TMTC2: variants seen among roughly 807,000 people sequenced by gnomAD.
The protein encoded by TMTC2 is transmembrane O-mannosyltransferase targeting cadherins 2.
TMTC2 carries 43 observed loss-of-function variants against 82.4 expected under a neutral mutation model. The ratio of observed to expected loss-of-function variants is 0.52; its 90% CI spans 0.41 to 0.67. The LOEUF (loss-of-function observed/expected upper bound fraction) is 0.67. Among genes scored for constraint, TMTC2 ranks in the 30% least tolerant of loss-of-function variants. The probability of loss-of-function intolerance (pLI) is 0.00; values close to 1 mark genes in which losing one functional copy is unlikely to be tolerated. For missense variants in TMTC2, 919 were observed against 1,012.4 expected (o/e 0.91, Z 1.25); for synonymous variants, 408 against 381.9 (o/e 1.07, Z -0.80).
chr12:82,700,341 TG>T (rs1873017456), intron 1 of TMTC2, among the ~76,000 whole-genome samples: 1 of 152,218 alleles, frequency 6.6e-6, no homozygotes, highest in Admixed American at 6.5e-5. Context: ...TATTCATTAA[TG>T]GTATTGTTGA....
intron 4 of TMTC2, among the ~76,000 whole-genome samples, chr12:82,931,926 C>G (rs986838761): frequency 1.4e-4 from 22 of 152,124 alleles, no homozygotes; most frequent in African/African-American, 5.3e-4. Context: ...CGAGTCACTT[C>G]CATTGACAGC....
intron 8 of TMTC2, among the ~76,000 whole-genome samples, chr12:82,988,516 A>C (rs1879266673): frequency 6.6e-6 from 1 of 152,094 alleles, no homozygotes; most frequent in African/African-American, 2.4e-5. Flanking sequence ...CTTAAGAGGT[A>C]GAACAAGTAA....
chr12:82,823,269 C>T (rs995488253), intron 1 of TMTC2, among the ~76,000 whole-genome samples: 79 of 152,110 alleles, frequency 5.2e-4, no homozygotes, highest in African/African-American at 1.8e-3. Flanking sequence ...TCACAGAACT[C>T]GGGACCACCA....
chr12:83,051,567 A>G (rs772131350), intron 10 of TMTC2, among the ~76,000 whole-genome samples: 47 of 152,166 alleles, frequency 3.1e-4, no homozygotes, highest in Non-Finnish European at 5.4e-4. Flanking sequence ...AATGTCTCCA[A>G]AGCAAAACAT....
Position 82,958,354 on chromosome 12 carries a change from C to CAAA in TMTC2, c.1599-6656_1599-6654dup, listed in dbSNP as rs750819932. Reference sequence around the variant, plus strand: ...TAGGTGACAGAGCAAGAGTCTGTCTCAAAAAAAAAAAAAAAACAAAAAAAA... The same window carrying CAAA: ...TAGGTGACAGAGCAAGAGTCTGTCTCAAAAAAAAAAAAAAAAAAACAAAAAAAA... On this transcript the variant is annotated intron_variant, in intron 4 of 11. Transcript: ENST00000321196. Among the ~76,000 whole-genome samples, 21 of 19,868 alleles carry CAAA rather than the reference C, an allele frequency of 1.1e-3. 1 individual carries two copies. The highest frequency in any genetic ancestry group is 6.4e-3 in the East Asian group (5 of 782). The allele number at this position is 19,868 out of a possible 152,430, so 13.0% of individuals were successfully genotyped here.
At chr12:82,922,639 G>C (rs1032115825) in intron 3 of TMTC2, among the ~76,000 whole-genome samples, 1 of 151,876 alleles carries the variant, frequency 6.6e-6, no homozygotes, top group Non-Finnish European at 1.5e-5. Context: ...ATAGACAGCT[G>C]ATCTAACATA....
Position 83,051,021 on chromosome 12 carries a change from T to A in TMTC2, c.2267+3T>A. On this transcript the variant is annotated splice_donor_region_variant and intron_variant, in intron 10 of 11. Transcript: ENST00000321196. ...TTCAATGCTGCCCACATGCTCAGGT[T>A]AGTTTTTTTGCTGCTGTGCCTCAAA... 6.2e-7 allele frequency: 1 copy of A among 1,601,774 alleles called. No individual in the cohort carries two copies. The highest frequency in any genetic ancestry group is 8.5e-7 in the Non-Finnish European group (1 of 1,174,382).
chr12:82,764,756 G>A (rs540202264), intron 1 of TMTC2, among the ~76,000 whole-genome samples: 3 of 143,018 alleles, frequency 2.1e-5, no homozygotes, highest in Non-Finnish European at 3.0e-5. Flanking sequence ...GAAAGGGTGA[G>A]ATATTTAAAA....
chr12:83,061,298 AG>A (rs1882730999), intron 10 of TMTC2, among the ~76,000 whole-genome samples: 1 of 151,830 alleles, frequency 6.6e-6, no homozygotes, highest in South Asian at 2.1e-4. Context: ...AAACATGGAA[AG>A]TTCCCTCCAT....
At position 82,810,230 on chromosome 12, in the gene TMTC2, G is replaced by A. The variant is rs556013322; in HGVS notation, c.84-46780G>A. On this transcript the variant is annotated intron_variant, in intron 1 of 11. Transcript: ENST00000321196. ...GGACTTTTTTTTTTTCTTTGCTGTG[G>A]TCAAAGGAAGCTTATACTGATTACT... Among the ~76,000 whole-genome samples, 42 of 151,272 alleles carry A rather than the reference G, an allele frequency of 2.8e-4. No individual in the cohort carries two copies. In the East Asian group the frequency reaches 7.6e-3, roughly 27 times the overall value.
In TMTC2 at chr12:82,796,570, C is replaced by T. The variant is rs557452584; in HGVS notation, c.84-60440C>T. ...CAGCAGTTTAATGTAAGTAGTTGGTCTAAGAATAACTTTGTTATGGTGGTA... is the reference window on the plus strand; with the variant it reads ...CAGCAGTTTAATGTAAGTAGTTGGTTTAAGAATAACTTTGTTATGGTGGTA... On this transcript the variant is annotated intron_variant, in intron 1 of 11. Coordinates refer to ENST00000321196, the MANE Select transcript of TMTC2 (RefSeq NM_152588.3). Among the ~76,000 whole-genome samples the T allele has an allele frequency of 7.9e-5, 12 of 152,210 alleles. No individual in the cohort carries two copies. The East Asian group carries it at 2.3e-3, about 29-fold the overall frequency.
intron 3 of TMTC2, among the ~76,000 whole-genome samples, chr12:82,922,572 T>G (rs2137230481): frequency 6.6e-6 from 1 of 152,280 alleles, no homozygotes; most frequent in East Asian, 1.9e-4. Context: ...TCCTCTATTT[T>G]ATTCATGTAT....
chr12:82,763,648 C>G (rs1376940874), intron 1 of TMTC2, among the ~76,000 whole-genome samples: 1 of 152,122 alleles, frequency 6.6e-6, no homozygotes, highest in Non-Finnish European at 1.5e-5. Flanking sequence ...TAAATTCTAA[C>G]CACTCAAAGA....
At chr12:82,777,699 C>G (rs1192745002) in intron 1 of TMTC2, among the ~76,000 whole-genome samples, 1 of 152,122 alleles carries the variant, frequency 6.6e-6, no homozygotes, top group Admixed American at 6.5e-5. Context: ...CAGTAGCAAA[C>G]GTTTATATAC....
intron 1 of TMTC2, among the ~76,000 whole-genome samples, chr12:82,693,828 C>G (rs553929268): frequency 5.3e-5 from 8 of 152,110 alleles, no homozygotes; most frequent in African/African-American, 1.4e-4. Flanking sequence ...ATTAGCCAGG[C>G]ATGGTGGCGG....
rs918336076 is a variant in TMTC2 at position 83,021,595 on chromosome 12, T to TA, written c.2071-9195dup. On this transcript the variant is annotated intron_variant, in intron 8 of 11. Coordinates refer to ENST00000321196, the MANE Select transcript of TMTC2 (RefSeq NM_152588.3). ...AGGCAACAGAGTGAGACCCCATCTA[T>TA]AAAAAAAATTTTTTTTTAATGTAGA... Among the ~76,000 whole-genome samples the TA allele has an allele frequency of 2.4e-3, 350 of 146,658 alleles. 2 individuals carry two copies. Among genetic ancestry groups the TA allele is most frequent in the African/African-American group, 8.4e-3 (340 of 40,556 alleles).
At chr12:82,774,149 GTGTATACATA>G (rs1252710608) in intron 1 of TMTC2, among the ~76,000 whole-genome samples, 2 of 151,990 alleles carry the variant, frequency 1.3e-5, no homozygotes, top group Non-Finnish European at 2.9e-5. Flanking sequence ...ATATATGTGT[GTGTATACATA>G]TGTATACATA....
chr12:83,027,183 A>G (rs935789043), intron 8 of TMTC2, among the ~76,000 whole-genome samples: 1 of 152,198 alleles, frequency 6.6e-6, no homozygotes, highest in Non-Finnish European at 1.5e-5. Context: ...GAATGCTGAC[A>G]TAACATAAAA....
intron 8 of TMTC2, among the ~76,000 whole-genome samples, chr12:83,029,087 T>G (rs1186664225): frequency 2.0e-5 from 3 of 152,100 alleles, no homozygotes; most frequent in Non-Finnish European, 4.4e-5. Flanking sequence ...GAATAATGAG[T>G]TAATGAAGGA....
Sources: allele counts gnomAD v4.1 joint callset (sites outside exome capture counted in the v4.1 genomes callset), GRCh38; gene constraint gnomAD v4.1.1; transcripts MANE v1.5; gene names NCBI Gene and HGNC (gene_info 2026-07-23, HGNC 2026-07-21).